NPEPL1: variants seen among roughly 807,000 people sequenced by gnomAD.
The protein encoded by NPEPL1 is probable aminopeptidase NPEPL1.
A neutral mutation model predicts 52.4 loss-of-function variants in NPEPL1; 45 were observed. The observed-to-expected ratio is 0.86, with a 90% CI of 0.68 to 1.10. The LOEUF (loss-of-function observed/expected upper bound fraction) is 1.10, where lower values mean the gene tolerates loss of function less well. Among genes scored for constraint, NPEPL1 ranks in the 50% least tolerant of loss-of-function variants. The probability of loss-of-function intolerance (pLI) is 0.00; values close to 1 mark genes in which losing one functional copy is unlikely to be tolerated. For synonymous variants in NPEPL1, 360 were observed against 314.7 expected (o/e 1.14, Z -1.52); for missense variants, 696 against 710.9 (o/e 0.98, Z 0.24).
chr20:58,707,459 A>G (rs1034540334), intron 7 of NPEPL1, among the ~76,000 whole-genome samples: 4 of 152,212 alleles, frequency 2.6e-5, no homozygotes, highest in African/African-American at 9.6e-5. Flanking sequence ...CCAGAGCCCC[A>G]TGAGCGGTTG....
At position 58,713,788 on chromosome 20, in the gene NPEPL1, TTC is replaced by T. The variant is rs1160368844; in HGVS notation, c.1126-127_1126-126del. On this transcript the variant is annotated intron_variant, in intron 9 of 11. Coordinates refer to ENST00000356091, the MANE Select transcript of NPEPL1 (RefSeq NM_024663.4). This position sits in a 1 kb window ranked among gnomAD's most constrained non-coding sequence, Gnocchi z 4.6. ...CCATGGTCCTTTCTGCCTGTGTTTTTTCTTTTTTTCTCAACCGTCTCTTTTCT... is the reference window on the plus strand; with the variant it reads ...CCATGGTCCTTTCTGCCTGTGTTTTTTTTTTTTCTCAACCGTCTCTTTTCT... The T allele has an allele frequency of 7.6e-6, 9 of 1,182,446 alleles. No individual in the cohort carries two copies. The highest frequency in any genetic ancestry group is 1.0e-5 in the Non-Finnish European group (9 of 888,554). The allele number at this position is 1,182,446 out of a possible 1,614,324, so 73.2% of individuals were successfully genotyped here.
In NPEPL1 at chr20:58,713,665, CGAGGAGGCAG is replaced by C; in HGVS notation, c.1125+129_1125+138del. 2.2e-6 allele frequency: 3 copies of C among 1,349,270 alleles called. No individual in the cohort carries two copies. Among genetic ancestry groups the C allele is most frequent in the Non-Finnish European group, 2.9e-6 (3 of 1,021,594 alleles). The allele number at this position is 1,349,270 out of a possible 1,614,324, so 83.6% of individuals were successfully genotyped here. A position where few individuals can be genotyped will look rare whatever the true frequency, so the allele number is the denominator to read the frequency against. On this transcript the variant is annotated intron_variant, in intron 9 of 11. Transcript: ENST00000356091. The surrounding 1 kb of genome is among the most constrained non-coding windows in gnomAD (Gnocchi z 4.6). ...GTCAGGAAGTTTTCATAACTGGGCA[CGAGGAGGCAG>C]GAGGAGCTGCCCGTCAAGCTTGGTG...
In NPEPL1 at chr20:58,713,459, G is replaced by C. The variant is rs1455646002; in HGVS notation, c.1041G>C (p.Leu347=). Residue 347 remains leucine, a synonymous_variant, in exon 9 of 12, where the codon CTG becomes CTC. Coordinates refer to ENST00000356091, the MANE Select transcript of NPEPL1 (RefSeq NM_024663.4). The surrounding 1 kb of genome is among the most constrained non-coding windows in gnomAD (Gnocchi z 4.6). Reference sequence around the variant, plus strand: ...ACAACACGGATGCCGAGGGCAGGCTGGTGCTGGCAGATGGCGTGTCCTATG... The same window carrying C: ...ACAACACGGATGCCGAGGGCAGGCTCGTGCTGGCAGATGGCGTGTCCTATG... ...EINNTDAEGR[L]VLADGVSYAC... The C allele has an allele frequency of 7.4e-6, 12 of 1,610,810 alleles. No homozygotes were observed. Among genetic ancestry groups the C allele is most frequent in the Non-Finnish European group, 1.0e-5 (12 of 1,178,756 alleles).
chr20:58,707,712 G>A (rs2084764440), intron 7 of NPEPL1, among the ~76,000 whole-genome samples: 1 of 150,484 alleles, frequency 6.6e-6, no homozygotes, highest in Non-Finnish European at 1.5e-5. Flanking sequence ...CACTCGGGGG[G>A]CGTGGGGGGG....
At position 58,712,499 on chromosome 20, in the gene NPEPL1, C is replaced by A; in HGVS notation, c.921C>A (p.His307Gln). 6.2e-7 allele frequency: 1 copy of A among 1,613,524 alleles called. No individual in the cohort carries two copies. Among genetic ancestry groups the A allele is most frequent in the Non-Finnish European group, 8.5e-7 (1 of 1,179,658 alleles). Reference protein sequence around the residue: ...AIKQGFKDNLHAVFCLAENSV... With the variant: ...AIKQGFKDNLQAVFCLAENSV... ...TCCAGGGTTTCAAAGACAACCTCCACGCTGTGTTCTGCTTGGCTGAGAACT... is the reference window on the plus strand; with the variant it reads ...TCCAGGGTTTCAAAGACAACCTCCAAGCTGTGTTCTGCTTGGCTGAGAACT... The change falls in exon 8 of 12, where the codon CAC (histidine) becomes CAA (glutamine). Residue 307 changes from histidine to glutamine, a missense_variant. By Grantham distance (24) the His-to-Gln change is conservative (BLOSUM62 0). Coordinates refer to ENST00000356091, the MANE Select transcript of NPEPL1 (RefSeq NM_024663.4).
chr20:58,705,936 C>T (rs1243221994), intron 6 of NPEPL1, among the ~76,000 whole-genome samples: 2 of 152,134 alleles, frequency 1.3e-5, no homozygotes, highest in African/African-American at 4.8e-5. Flanking sequence ...CATTTTCACT[C>T]AATTATAAAA....
chr20:58,691,693 C>CTTTTCTTTT, upstream of NPEPL1: 2 of 561,314 alleles, frequency 3.6e-6, no homozygotes, highest in Non-Finnish European at 2.9e-6. Context: ...TTTTTCTTTT[C>CTTTTCTTTT]TTTTTTTTTT....
At chr20:58,715,144 CTG>C (rs1269762532) in intron 11 of NPEPL1, 22 bp from the exon 12 acceptor site, 17 of 1,588,204 alleles carry the variant, frequency 1.1e-5, no homozygotes, top group Admixed American at 1.7e-5. Flanking sequence ...CGCCCAGAGT[CTG>C]TGTCCTGCCC....
chr20:58,714,184 G>T lies in NPEPL1; in HGVS notation c.1302+91G>T, dbSNP rs1017167833. 54 of 1,447,838 alleles carry T rather than the reference G, an allele frequency of 3.7e-5. 1 individual carries two copies. The East Asian group carries it at 1.4e-3, about 36-fold the overall frequency. The allele number at this position is 1,447,838 out of a possible 1,614,324, so 89.7% of individuals were successfully genotyped here. ...TTCAGGGTGCTGGTGCACCCAGGGA[G>T]CTGGGGCCCCCCAGAAGCAGCCACA... On this transcript the variant is annotated intron_variant, in intron 10 of 11. Coordinates refer to ENST00000356091, the MANE Select transcript of NPEPL1 (RefSeq NM_024663.4).
chr20:58,703,035 G>GTGT (rs1555850106), intron 6 of NPEPL1, among the ~76,000 whole-genome samples: 1 of 152,214 alleles, frequency 6.6e-6, no homozygotes, highest in Non-Finnish European at 1.5e-5. Flanking sequence ...CCGCACTCTC[G>GTGT]TGTTTTATTT....
chr20:58,706,972 G>A (rs1166332188), intron 6 of NPEPL1, 151 bp from the exon 7 acceptor site: 1 of 763,180 alleles, frequency 1.3e-6, no homozygotes, highest in East Asian at 2.7e-5. Flanking sequence ...GAGTTCTGTG[G>A]GTGCCCAGGA....
intron 10 of NPEPL1, 165 bp from the exon 11 acceptor site, chr20:58,714,395 C>A: frequency 1.6e-6 from 1 of 619,542 alleles, no homozygotes; most frequent in South Asian, 2.0e-5. Flanking sequence ...GACTCCTTAG[C>A]TCATGGTCAA....
chr20:58,703,954 T>C (rs1043805711), intron 6 of NPEPL1: 2 of 985,320 alleles, frequency 2.0e-6, no homozygotes, highest in Admixed American at 1.2e-4. Flanking sequence ...CTGGGTGTTC[T>C]GGCACCAGTG....
chr20:58,706,704 A>G (rs549270948), intron 6 of NPEPL1, among the ~76,000 whole-genome samples: 3 of 152,210 alleles, frequency 2.0e-5, no homozygotes, highest in South Asian at 4.1e-4. Context: ...GTGGCCCTGC[A>G]GACAGACCCC....
At chr20:58,709,506 G>A (rs2084795113) in intron 7 of NPEPL1, among the ~76,000 whole-genome samples, 6 of 152,202 alleles carry the variant, frequency 3.9e-5, no homozygotes, top group Admixed American at 3.3e-4. Context: ...CATTCCAGGT[G>A]AGAGTGGCCC....
At position 58,713,501 on chromosome 20, in the gene NPEPL1, G is replaced by T; in HGVS notation, c.1083G>T (p.Gly361=). ...TGTCCTATGCTTGCAAGGACCTGGG[G>T]GCCGACATCATCCTGGACATGGCCA... ...DGVSYACKDL[G]ADIILDMATL... The change falls in exon 9 of 12, where the codon GGG becomes GGT. Residue 361 remains glycine (G), a synonymous_variant. Coordinates refer to ENST00000356091, the MANE Select transcript of NPEPL1 (RefSeq NM_024663.4). This position sits in a 1 kb window ranked among gnomAD's most constrained non-coding sequence, Gnocchi z 4.6. The T allele has an allele frequency of 6.2e-7, 1 of 1,611,534 alleles. No homozygotes were observed. Among genetic ancestry groups the T allele is most frequent in the South Asian group, 1.1e-5 (1 of 90,562 alleles).
chr20:58,702,999 GGTTCCGC>G (rs1243962546), intron 6 of NPEPL1, among the ~76,000 whole-genome samples: 1 of 152,202 alleles, frequency 6.6e-6, no homozygotes, highest in Non-Finnish European at 1.5e-5. Flanking sequence ...AAGGAACGCA[GGTTCCGC>G]GTCTTCGTTT....
chr20:58,700,967 C>CGATCA (rs1374643139), intron 5 of NPEPL1, 49 bp from the exon 6 acceptor site: 30 of 1,417,490 alleles, frequency 2.1e-5, no homozygotes, highest in Non-Finnish European at 4.6e-6. Flanking sequence ...GGGAGTTCCC[C>CGATCA]GCTCAGCTCA....
Position 58,692,960 on chromosome 20 carries a change from G to A in NPEPL1, c.60G>A (p.Arg20=), listed in dbSNP as rs963166346. ...CGGGGGACTCGGACCCACAGAGCCG[G>A]CCCCTGCTGCTGCTCGGGCAGCTGC... is the stretch of plus-strand genomic sequence containing the variant. ...ASAGDSDPQS[R]PLLLLGQLHH... is the part of the protein sequence containing the mutation. Residue 20 remains arginine, a synonymous_variant, in exon 1 of 12, where the codon CGG becomes CGA. Coordinates refer to ENST00000356091, the MANE Select transcript of NPEPL1 (RefSeq NM_024663.4). The surrounding 1 kb of genome is among the most constrained non-coding windows in gnomAD (Gnocchi z 5.7). 1.1e-4 allele frequency: 133 copies of A among 1,189,556 alleles called. No individual in the cohort carries two copies. The African/African-American group carries it at 2.1e-3, about 19-fold the overall frequency. The allele number at this position is 1,189,556 out of a possible 1,614,324, so 73.7% of individuals were successfully genotyped here.
Sources: gnomAD v4.1 joint callset for allele counts (sites outside exome capture counted in the v4.1 genomes callset) on GRCh38, gnomAD v4.1.1 for gene constraint, Gnocchi (gnomAD v3.1) non-coding constraint, MANE v1.5 for transcripts, NCBI Gene and HGNC (gene_info 2026-07-23, HGNC 2026-07-21) for gene names.